ABTB3: variants seen among roughly 807,000 people sequenced by gnomAD.
ABTB3 encodes ankyrin repeat and BTB domain containing 3.
the ABTB3 span, among the ~76,000 whole-genome samples, chr12:107,522,915 G>A: frequency 6.6e-6 from 1 of 152,112 alleles, no homozygotes; most frequent in East Asian, 1.9e-4. Flanking sequence ...AATTTACCAT[G>A]CTTACATACC....
At chr12:107,537,912 G>T in the ABTB3 span, among the ~76,000 whole-genome samples, 4 of 152,140 alleles carry the variant, frequency 2.6e-5, no homozygotes, top group African/African-American at 9.7e-5. Flanking sequence ...ACAGCCTGCG[G>T]CCTTGGCCTC....
At chr12:107,510,567 TGA>T in the ABTB3 span, among the ~76,000 whole-genome samples, 3 of 150,464 alleles carry the variant, frequency 2.0e-5, no homozygotes, top group East Asian at 3.9e-4. Flanking sequence ...TAAAACAGAG[TGA>T]GGGGATGGGA....
the ABTB3 span, among the ~76,000 whole-genome samples, chr12:107,465,199 C>T: frequency 2.0e-5 from 3 of 152,188 alleles, no homozygotes; most frequent in East Asian, 1.9e-4. Flanking sequence ...CAGAGCATGC[C>T]GTCTGCCCTC....
At chr12:107,424,589 C>T in the ABTB3 span, among the ~76,000 whole-genome samples, 6 of 152,194 alleles carry the variant, frequency 3.9e-5, no homozygotes, top group African/African-American at 1.4e-4. Flanking sequence ...CTCCATCTTT[C>T]TGAGTTTCCA....
At chr12:107,615,058 T>C in the ABTB3 span, 1 of 1,610,304 alleles carries the variant, frequency 6.2e-7, no homozygotes, top group South Asian at 1.1e-5. Context: ...AATTTGTTTA[T>C]AGGTTGTCAG....
At chr12:107,451,532 T>A in the ABTB3 span, among the ~76,000 whole-genome samples, 135 of 152,266 alleles carry the variant, frequency 8.9e-4, no homozygotes, top group African/African-American at 3.0e-3. Flanking sequence ...ACAGACCATG[T>A]CTCACTTAAA....
the ABTB3 span, among the ~76,000 whole-genome samples, chr12:107,436,042 C>T: frequency 6.6e-6 from 1 of 152,158 alleles, no homozygotes; most frequent in Admixed American, 6.5e-5. Flanking sequence ...CATTTTAAAC[C>T]CTTGCTCTGC....
chr12:107,453,277 G>T, the ABTB3 span, among the ~76,000 whole-genome samples: 1 of 152,110 alleles, frequency 6.6e-6, no homozygotes, highest in African/African-American at 2.4e-5. Context: ...ATGATGGGAG[G>T]TTGCTATAGA....
At chr12:107,494,959 T>C in the ABTB3 span, among the ~76,000 whole-genome samples, 2 of 152,162 alleles carry the variant, frequency 1.3e-5, no homozygotes, top group African/African-American at 4.8e-5. Context: ...ACCACGGGAC[T>C]GTGGGGGATG....
chr12:107,635,296 C>A, the ABTB3 span: 1 of 1,613,126 alleles, frequency 6.2e-7, no homozygotes, highest in Non-Finnish European at 8.5e-7. Context: ...ATGAAGTGAT[C>A]AGCCAGCAGC....
At chr12:107,537,833 A>G in the ABTB3 span, among the ~76,000 whole-genome samples, 20 of 152,240 alleles carry the variant, frequency 1.3e-4, no homozygotes, top group African/African-American at 4.6e-4. Flanking sequence ...AGTTTTTCAG[A>G]GTCCCCAGGT....
the ABTB3 span, chr12:107,617,265 T>A: frequency 6.2e-7 from 1 of 1,614,028 alleles, no homozygotes; most frequent in Non-Finnish European, 8.5e-7. Flanking sequence ...ATTTTTGCTT[T>A]ATTCTCTTAT....
chr12:107,391,655 C>T, the ABTB3 span, among the ~76,000 whole-genome samples: 1 of 152,204 alleles, frequency 6.6e-6, no homozygotes, highest in Non-Finnish European at 1.5e-5. Flanking sequence ...CACTGTCTTC[C>T]TTTCATATAA....
At chr12:107,350,198 GA>G in the ABTB3 span, among the ~76,000 whole-genome samples, 10 of 152,068 alleles carry the variant, frequency 6.6e-5, no homozygotes, top group South Asian at 2.1e-4. Context: ...ATTTAGGGGG[GA>G]AAAATCATAT....
At chr12:107,403,014 G>C in the ABTB3 span, among the ~76,000 whole-genome samples, 3 of 152,206 alleles carry the variant, frequency 2.0e-5, no homozygotes, top group Admixed American at 2.0e-4. Flanking sequence ...CATGGATCCT[G>C]CTCCTTCTTC....
chr12:107,436,303 A>G, the ABTB3 span, among the ~76,000 whole-genome samples: 1 of 152,228 alleles, frequency 6.6e-6, no homozygotes, highest in Non-Finnish European at 1.5e-5. Flanking sequence ...CAGCTTATTG[A>G]CCGGTCTCTG....
At chr12:107,461,333 C>T in the ABTB3 span, among the ~76,000 whole-genome samples, 1 of 152,140 alleles carries the variant, frequency 6.6e-6, no homozygotes, top group Non-Finnish European at 1.5e-5. Flanking sequence ...GTATGACTGG[C>T]ATCCTTAAGA....
the ABTB3 span, among the ~76,000 whole-genome samples, chr12:107,497,466 TACCACCATCATCATCACTGACACCCCC>T: frequency 2.0e-5 from 3 of 148,564 alleles, no homozygotes; most frequent in African/African-American, 5.0e-5. Context: ...TCACAATTAT[TACCACCATCATCATCACTGACACCCCC>T]ACCACCATCA....
chr12:107,522,280 T>C, the ABTB3 span, among the ~76,000 whole-genome samples: 1 of 152,200 alleles, frequency 6.6e-6, no homozygotes, highest in Non-Finnish European at 1.5e-5. Context: ...ACATTCAGAC[T>C]ATGGCAACTT....
Sources: gnomAD v4.1 joint callset for allele counts (sites outside exome capture counted in the v4.1 genomes callset) on GRCh38, gnomAD v4.1.1 for gene constraint, MANE v1.5 for transcripts, NCBI Gene and HGNC (gene_info 2026-07-23, HGNC 2026-07-21) for gene names.